Variants in ACY1 observed in about 807,000 individuals in gnomAD.
The protein encoded by ACY1 is aminoacylase 1, also known as aminoacylase-1.
A neutral mutation model predicts 53.3 loss-of-function variants in ACY1; 38 were observed. The observed-to-expected ratio is 0.71, with a 90% CI of 0.55 to 0.93. The LOEUF (loss-of-function observed/expected upper bound fraction) is 0.93, where lower values mean the gene tolerates loss of function less well. Ranked by LOEUF, ACY1 falls within the 40% of genes least tolerant of loss-of-function variation. The pLI, the probability that ACY1 is intolerant of heterozygous loss-of-function variation, is 0.00. For synonymous variants in ACY1, 177 were observed against 202.1 expected (o/e 0.88, Z 1.05); for missense variants, 484 against 540.9 (o/e 0.89, Z 1.04).
At chr3:51,987,256 T>A in intron 10 of ACY1, 53 bp from the exon 11 acceptor site, 1 of 1,613,540 alleles carries the variant, frequency 6.2e-7, no homozygotes, top group East Asian at 2.2e-5. Context: ...GAGGATAGAG[T>A]CTGAGCCACC....
At chr3:51,986,860 G>A in intron 8 of ACY1, 128 bp from the exon 9 acceptor site, 3 of 1,248,286 alleles carry the variant, frequency 2.4e-6, no homozygotes, top group Non-Finnish European at 3.4e-6. Context: ...GTATGCTACG[G>A]GCCCTGAGTG....
chr3:51,984,138 T>A lies in ACY1; in HGVS notation c.74T>A (p.Val25Asp). 1 of 1,613,948 alleles carries A rather than the reference T, an allele frequency of 6.2e-7. No homozygotes were observed. Among genetic ancestry groups the A allele is most frequent in the Non-Finnish European group, 8.5e-7 (1 of 1,180,012 alleles). The stretch of plus-strand genomic sequence containing the variant: ...CGCCAGTACCTGCGTATCCGCACTG[T>A]CCAGCCCAAGCCTGACTATGGTGAG... ...LFRQYLRIRT[V>D]QPKPDYGAAV... The change falls in exon 2 of 15, where the codon GTC becomes GAC. Residue 25 changes from valine (V) to aspartate (D), a missense_variant. By Grantham distance (152) the Val-to-Asp change is radical. Coordinates refer to ENST00000636358, the MANE Select transcript of ACY1 (RefSeq NM_000666.3).
chr3:51,984,329 G>C (rs928306064), intron 2 of ACY1, 171 bp downstream of exon 2: 2 of 686,334 alleles, frequency 2.9e-6, no homozygotes, highest in Admixed American at 2.1e-5. Flanking sequence ...GCCCCTCCAG[G>C]TTAGGGAGGA....
chr3:51,985,256 C>T lies in ACY1; in HGVS notation c.144C>T (p.Gly48=), dbSNP rs1363331319. 1 of 1,610,058 alleles carries T rather than the reference C, an allele frequency of 6.2e-7. No homozygotes were observed. Among genetic ancestry groups the T allele is most frequent in the Non-Finnish European group, 8.5e-7 (1 of 1,178,266 alleles). The change falls in exon 3 of 15, where the codon GGC becomes GGT. Residue 48 remains glycine, a synonymous_variant. Coordinates refer to ENST00000636358, the MANE Select transcript of ACY1 (RefSeq NM_000666.3). ...FEETARQLGL[G]CQKVEVAPGY... ...AGACAGCCCGCCAGCTGGGCCTGGGCTGTCAGAAAGTAGAGGTGAGCCTGG... is the reference window on the plus strand; with the variant it reads ...AGACAGCCCGCCAGCTGGGCCTGGGTTGTCAGAAAGTAGAGGTGAGCCTGG...
rs751543477 is a variant in ACY1 at position 51,987,156 on chromosome 3, G to A, written c.667G>A (p.Val223Ile). The A allele has an allele frequency of 1.9e-6, 3 of 1,614,182 alleles. No homozygotes were observed. The highest frequency in any genetic ancestry group is 2.2e-5 in the South Asian group (2 of 91,068). ...CCTCATATTCTCATAGCACAAGGTT[G>A]TAAACTCCATCCTGGCATTCCGGGA... ...DTAAEKLHKV[V>I]NSILAFREKE... Residue 223 changes from valine to isoleucine, a missense_variant, in exon 10 of 15, where the codon GTA (valine) becomes ATA (isoleucine). Coordinates refer to ENST00000636358, the MANE Select transcript of ACY1 (RefSeq NM_000666.3).
rs779725628 is a variant in ACY1, at chr3:51,986,632, C to T, written c.554C>T (p.Thr185Ile). Residue 185 changes from threonine (T) to isoleucine (I), a missense_variant, in exon 8 of 15, where the codon ACT (threonine) becomes ATT (isoleucine). Coordinates refer to ENST00000636358, the MANE Select transcript of ACY1 (RefSeq NM_000666.3). ...EGIANPTDAF[T>I]VFYSERSPWW... Reference sequence around the variant, plus strand: ...ATAGCCAATCCCACTGATGCCTTCACTGTCTTTTATAGTGAGCGGAGTCCC... The same window carrying T: ...ATAGCCAATCCCACTGATGCCTTCATTGTCTTTTATAGTGAGCGGAGTCCC... 1.2e-6 allele frequency: 2 copies of T among 1,614,178 alleles called. No individual in the cohort carries two copies. The highest frequency in any genetic ancestry group is 1.7e-6 in the Non-Finnish European group (2 of 1,180,032).
intron 2 of ACY1, chr3:51,984,972 T>A (rs1204300650): frequency 1.7e-6 from 1 of 593,618 alleles, no homozygotes. Context: ...TTAAGGAAGA[T>A]AACACCTTCC....
chr3:51,985,010 G>A (rs1701006785), intron 2 of ACY1, 197 bp from the exon 3 acceptor site: 1 of 649,280 alleles, frequency 1.5e-6, no homozygotes, highest in African/African-American at 1.8e-5. Context: ...ACATCCCCCT[G>A]GACTTCCAGA....
At chr3:51,985,743 C>T (rs1423278102) in intron 4 of ACY1, 109 bp from the exon 5 acceptor site, 2 of 967,860 alleles carry the variant, frequency 2.1e-6, no homozygotes, top group Admixed American at 2.0e-5. Context: ...CACCACTCCA[C>T]CTGTCACTCC....
At chr3:51,985,732 C>A in intron 4 of ACY1, 120 bp from the exon 5 acceptor site, 1 of 908,686 alleles carries the variant, frequency 1.1e-6, no homozygotes, top group Non-Finnish European at 1.8e-6. Flanking sequence ...CTTTCCTCTC[C>A]CACCACTCCA....
intron 5 of ACY1, 22 bp downstream of exon 5, chr3:51,985,968 T>G: frequency 3.1e-6 from 5 of 1,595,226 alleles, no homozygotes; most frequent in South Asian, 1.1e-5. Flanking sequence ...CCATTCCTAC[T>G]CCTCCACAAT....
Position 51,985,260 on chromosome 3 carries a change from C to T in ACY1, c.148C>T (p.Gln50Ter), listed in dbSNP as rs1701016600. Residue 50 changes from glutamine to a stop codon, truncating the protein, a stop_gained, in exon 3 of 15, where the codon CAG becomes TAG. Transcript: ENST00000636358. LOFTEE classifies it high-confidence loss of function. ...AGCCCGCCAGCTGGGCCTGGGCTGT[C>T]AGAAAGTAGAGGTGAGCCTGGGGCC... ...ETARQLGLGC[Q>*]KVEVAPGYVV... 1 of 1,610,372 alleles carries T rather than the reference C, an allele frequency of 6.2e-7. No individual in the cohort carries two copies. The highest frequency in any genetic ancestry group is 1.1e-5 in the South Asian group (1 of 90,386).
rs1701152861 is a variant in ACY1 at position 51,988,504 on chromosome 3, C to G, written c.922-20C>G. On this transcript the variant is annotated intron_variant, in intron 12 of 14. Coordinates refer to ENST00000636358, the MANE Select transcript of ACY1 (RefSeq NM_000666.3). The stretch of plus-strand genomic sequence containing the variant: ...TGCCCAGGCCCATGTCCTGATCCTG[C>G]CATTCTTCCTGTCCCTCAGAAGTGG... 1 of 1,611,150 alleles carries G rather than the reference C, an allele frequency of 6.2e-7. No individual in the cohort carries two copies. Among genetic ancestry groups the G allele is most frequent in the Non-Finnish European group, 8.5e-7 (1 of 1,177,404 alleles).
intron 13 of ACY1, 40 bp from the exon 14 acceptor site, chr3:51,988,726 G>C (rs41292352): frequency 6.2e-6 from 10 of 1,607,690 alleles, no homozygotes; most frequent in Non-Finnish European, 8.5e-6. Context: ...TCAATTCTTC[G>C]CTTTCTCCCT....
At chr3:51,984,835 G>GAA (rs1701000896) in intron 2 of ACY1, 5 of 262,492 alleles carry the variant, frequency 1.9e-5, no homozygotes, top group Non-Finnish European at 2.2e-5. Flanking sequence ...AAAAAAAAAG[G>GAA]AAAAGAAAAA....
In ACY1 at chr3:51,987,139, T is replaced by G. The variant is rs1460293673; in HGVS notation, c.658-8T>G. ...GCCACTGTCCCATTTAACCTCATAT[T>G]CTCATAGCACAAGGTTGTAAACTCC... On this transcript the variant is annotated splice_polypyrimidine_tract_variant and splice_region_variant and intron_variant, in intron 9 of 14. Transcript: ENST00000636358. 11 of 1,613,980 alleles carry G rather than the reference T, an allele frequency of 6.8e-6. No individual in the cohort carries two copies. The highest frequency in any genetic ancestry group is 9.3e-6 in the Non-Finnish European group (11 of 1,180,012).
intron 1 of ACY1, among the ~76,000 whole-genome samples, chr3:51,983,840 G>C (rs1217518151): frequency 6.6e-6 from 1 of 152,056 alleles, no homozygotes; most frequent in Non-Finnish European, 1.5e-5. Flanking sequence ...AACTTCATGG[G>C]GCTCTTTTGG....
In ACY1 at chr3:51,989,064, A is replaced by T. The variant is rs1050289796; in HGVS notation, c.1216A>T (p.Ser406Cys). Residue 406 changes from serine to cysteine, a missense_variant, in exon 15 of 15, where the codon AGT (serine) becomes TGT (cysteine). Physicochemically the swap from Ser to Cys is moderately radical, Grantham distance 112 (BLOSUM62 -1). Transcript: ENST00000636358. The part of the protein sequence containing the change: ...PALASVPALP[S>C]DS ...CCTTGCCAGTGTGCCTGCCCTGCCC[A>T]GTGACAGCTGAGCCCTGGAACTCCT... 2 of 1,613,684 alleles carry T rather than the reference A, an allele frequency of 1.2e-6. No individual in the cohort carries two copies. Among genetic ancestry groups the T allele is most frequent in the Admixed American group, 1.7e-5 (1 of 60,008 alleles).
chr3:51,988,788 A>C lies in ACY1; in HGVS notation c.1024A>C (p.Ile342Leu). The change falls in exon 14 of 15, where the codon ATC becomes CTC. Residue 342 changes from isoleucine to leucine, a missense_variant. By Grantham distance (5) the Ile-to-Leu change is conservative (BLOSUM62 2). Transcript: ENST00000636358. ...CAGGAACCTCACTCTGGAGCCTGAG[A>C]TCATGCCTGCTGCCACTGACAACCG... ...KDMNLTLEPEIMPAATDNRYI... is the reference protein window; with the variant it reads ...KDMNLTLEPELMPAATDNRYI... 6.2e-7 allele frequency: 1 copy of C among 1,614,078 alleles called. No homozygotes were observed. The highest frequency in any genetic ancestry group is 8.5e-7 in the Non-Finnish European group (1 of 1,180,002).
Sources: allele counts gnomAD v4.1 joint callset (sites outside exome capture counted in the v4.1 genomes callset), GRCh38; gene constraint gnomAD v4.1.1; transcripts MANE v1.5; gene names NCBI Gene and HGNC (gene_info 2026-07-23, HGNC 2026-07-21).